Variants in TGFA observed in about 807,000 individuals in gnomAD.
The protein encoded by TGFA is protransforming growth factor alpha.
A neutral mutation model predicts 21.7 loss-of-function variants in TGFA; 12 were observed. The ratio of observed to expected loss-of-function variants is 0.55; its 90% CI spans 0.35 to 0.90. TGFA has a LOEUF of 0.90. Among genes scored for constraint, TGFA ranks in the 40% least tolerant of loss-of-function variants. The pLI is 0.01. For synonymous variants in TGFA, 79 were observed against 88.1 expected (o/e 0.90, Z 0.58); for missense variants, 178 against 210.8 (o/e 0.84, Z 0.96).
At chr2:70,521,609 G>GTTGTTTTTTTTTTTTTTTTTTTTTTT (rs1432347684) in intron 1 of TGFA, among the ~76,000 whole-genome samples, 1 of 78,876 alleles carries the variant, frequency 1.3e-5, no homozygotes, top group African/African-American at 5.0e-5. Flanking sequence ...TTTTGTTGTT[G>GTTGTTTTTTTTTTTTTTTTTTTTTTT]TTTGTTTGTT....
chr2:70,455,674 G>T (rs1270784168), intron 4 of TGFA, among the ~76,000 whole-genome samples: 17 of 152,204 alleles, frequency 1.1e-4, no homozygotes, highest in African/African-American at 4.1e-4. Flanking sequence ...ATCTGGCATA[G>T]TTCCAAATGC....
At position 70,447,767 on chromosome 2, in the gene TGFA, T is replaced by C. The variant is rs180760967; in HGVS notation, c.*3092A>G. The C allele has an allele frequency of 1.3e-5, 2 of 152,342 alleles. No individual in the cohort carries two copies. The highest frequency in any genetic ancestry group is 1.9e-4 in the East Asian group (1 of 5,190). The allele number at this position is 152,342 out of a possible 1,614,324, so 9.4% of individuals were successfully genotyped here. ...TTTGTCTTACTTCTGCAATGTGTTC[T>C]TGGTTTTGGGCATTTGAGTCATTCC... On this transcript the variant is annotated 3_prime_UTR_variant, in exon 6 of 6. Transcript: ENST00000295400.
chr2:70,535,594 A>G, intron 1 of TGFA, among the ~76,000 whole-genome samples: 1 of 152,226 alleles, frequency 6.6e-6, no homozygotes, highest in Non-Finnish European at 1.5e-5. Context: ...ACTTAGATAT[A>G]TCCTACATGG....
intron 1 of TGFA, among the ~76,000 whole-genome samples, chr2:70,550,357 T>A (rs1224487933): frequency 2.6e-5 from 4 of 152,170 alleles, no homozygotes; most frequent in Non-Finnish European, 4.4e-5. Context: ...ACAGTTTTAT[T>A]ATTCCCACTT....
At chr2:70,549,430 C>T (rs534936870) in intron 1 of TGFA, among the ~76,000 whole-genome samples, 5 of 152,274 alleles carry the variant, frequency 3.3e-5, no homozygotes, top group African/African-American at 4.8e-5. Context: ...CAGCAACATA[C>T]GCCACACCTG....
At chr2:70,473,681 A>AG (rs71398908) in intron 2 of TGFA, among the ~76,000 whole-genome samples, 42,493 of 101,740 alleles carry the variant, frequency 0.42, 7,477 homozygotes, top group African/African-American at 0.56. Context: ...GCTGTCTTAG[A>AG]GGGGGGTGTG....
chr2:70,546,538 A>G (rs1226130378), intron 1 of TGFA, among the ~76,000 whole-genome samples: 1 of 152,112 alleles, frequency 6.6e-6, no homozygotes, highest in Non-Finnish European at 1.5e-5. Context: ...CAGTGGCTCA[A>G]TCATGACTCA....
intron 1 of TGFA, among the ~76,000 whole-genome samples, chr2:70,551,946 C>T (rs1673523954): frequency 6.6e-6 from 1 of 152,070 alleles, no homozygotes; most frequent in South Asian, 2.1e-4. Context: ...AACACTTACT[C>T]AAATGTGCTT....
At chr2:70,501,084 T>C (rs1553499068) in intron 2 of TGFA, among the ~76,000 whole-genome samples, 1 of 152,052 alleles carries the variant, frequency 6.6e-6, no homozygotes, top group Non-Finnish European at 1.5e-5. Flanking sequence ...TTTGAGTCGA[T>C]TTTTGTATTT....
intron 2 of TGFA, among the ~76,000 whole-genome samples, chr2:70,502,952 G>A (rs1390608943): frequency 6.6e-6 from 1 of 152,124 alleles, no homozygotes; most frequent in Non-Finnish European, 1.5e-5. Flanking sequence ...ATTACAGATG[G>A]GGGACGGAGG....
chr2:70,452,663 C>T (rs1202842354), intron 5 of TGFA, among the ~76,000 whole-genome samples: 13 of 152,132 alleles, frequency 8.5e-5, no homozygotes, highest in African/African-American at 2.7e-4. Flanking sequence ...GAGGGTAAGC[C>T]GGGCACAGTG....
chr2:70,447,502 C>G lies in TGFA; in HGVS notation c.*3357G>C, dbSNP rs1553488888. ...AATAAATTAAAACATTAAATATTAA[C>G]CTTTTCAGTGCAACATATACAGACA... On this transcript the variant is annotated 3_prime_UTR_variant, in exon 6 of 6. Transcript: ENST00000295400. The G allele has an allele frequency of 6.6e-6, 1 of 152,452 alleles. No individual in the cohort carries two copies. Among genetic ancestry groups the G allele is most frequent in the African/African-American group, 2.4e-5 (1 of 41,356 alleles). 9.4% of individuals were successfully genotyped at this position (152,452 alleles called of 1,614,324 possible). A position where few individuals can be genotyped will look rare whatever the true frequency, so the allele number is the denominator to read the frequency against.
intron 1 of TGFA, among the ~76,000 whole-genome samples, chr2:70,536,543 AAG>A (rs1333699301): frequency 6.6e-6 from 1 of 152,198 alleles, no homozygotes; most frequent in Non-Finnish European, 1.5e-5. Flanking sequence ...CAATAACAGA[AAG>A]AGAGCTGAAA....
chr2:70,496,434 A>T (rs1246043869), intron 2 of TGFA, among the ~76,000 whole-genome samples: 3 of 152,168 alleles, frequency 2.0e-5, no homozygotes, highest in Non-Finnish European at 2.9e-5. Context: ...ACAGGGAAAA[A>T]AAAACAGAAT....
At chr2:70,451,858 TCA>T in intron 5 of TGFA, 1 of 664,930 alleles carries the variant, frequency 1.5e-6, no homozygotes, top group Non-Finnish European at 2.7e-6. Context: ...GTCATCAGAC[TCA>T]GTTTACCCAC....
intron 2 of TGFA, among the ~76,000 whole-genome samples, chr2:70,466,350 A>G (rs1030227531): frequency 3.3e-5 from 5 of 152,180 alleles, no homozygotes; most frequent in Admixed American, 1.3e-4. Context: ...TACTAAAAAT[A>G]CAAAAAATTA....
intron 2 of TGFA, among the ~76,000 whole-genome samples, chr2:70,479,262 G>A (rs377185675): frequency 1.2e-4 from 19 of 152,080 alleles, no homozygotes; most frequent in Non-Finnish European, 2.4e-4. Flanking sequence ...TCCATATAAC[G>A]AAATATTATA....
intron 2 of TGFA, among the ~76,000 whole-genome samples, chr2:70,470,194 C>T (rs915595938): frequency 6.6e-6 from 1 of 151,532 alleles, no homozygotes; most frequent in Non-Finnish European, 1.5e-5. Flanking sequence ...GGGAGGGAAA[C>T]AGGAAGAAAC....
chr2:70,552,304 G>C (rs1553506931), intron 1 of TGFA, among the ~76,000 whole-genome samples: 1 of 152,224 alleles, frequency 6.6e-6, no homozygotes, highest in East Asian at 1.9e-4. Flanking sequence ...GTCTGACACA[G>C]AGTAAAATGC....
Sources: allele counts gnomAD v4.1 joint callset (sites outside exome capture counted in the v4.1 genomes callset), GRCh38; gene constraint gnomAD v4.1.1; transcripts MANE v1.5; gene names NCBI Gene and HGNC (gene_info 2026-07-23, HGNC 2026-07-21).